ANKRD31: variants seen among roughly 807,000 people sequenced by gnomAD.
ANKRD31 encodes the protein ankyrin repeat domain 31, also known as ankyrin repeat domain-containing protein 31.
ANKRD31 carries 147 observed loss-of-function variants against 186.0 expected under a neutral mutation model. The observed-to-expected ratio is 0.79, with a 90% confidence interval of 0.69 to 0.91. The LOEUF (loss-of-function observed/expected upper bound fraction) is 0.91. Ranked by LOEUF, ANKRD31 falls within the 40% of genes least tolerant of loss-of-function variation. The pLI is 0.00. For missense variants in ANKRD31, 1,986 were observed against 2,148.8 expected, an observed-to-expected ratio of 0.92 and a Z score of 1.50; for synonymous variants, 673 against 736.4, an observed-to-expected ratio of 0.91 and a Z score of 1.39.
intron 2 of ANKRD31, among the ~76,000 whole-genome samples, chr5:75,229,995 A>G (rs759752597): frequency 9.2e-5 from 14 of 151,854 alleles, no homozygotes; most frequent in Non-Finnish European, 1.9e-4. Context: ...CCCACATCCC[A>G]AAGATGTGCC....
At chr5:75,159,381 A>T (rs1382262301) in intron 11 of ANKRD31, among the ~76,000 whole-genome samples, 2 of 152,152 alleles carry the variant, frequency 1.3e-5, no homozygotes, top group African/African-American at 2.4e-5. Flanking sequence ...CACACATCTA[A>T]GAAGCACAAC....
In ANKRD31 at chr5:75,116,629, A is replaced by G. The variant is rs1364550546; in HGVS notation, c.4092T>C (p.Asp1364=). The change falls in exon 19 of 26, where the codon GAT becomes GAC. Residue 1364 remains aspartate, a synonymous_variant. Transcript: ENST00000506364. ...GGGAAGATGAGTCAATAGTTTTGCC[A>G]TCATCACAAAAACACTGTTTATGTC... ...SKRHKQCFCD[D]GKTIDSSSLS... 2 of 1,465,188 alleles carry G rather than the reference A, an allele frequency of 1.4e-6. No homozygotes were observed. The highest frequency in any genetic ancestry group is 1.4e-5 in the African/African-American group (1 of 72,094). The allele number at this position is 1,465,188 out of a possible 1,614,324, so 90.8% of individuals were successfully genotyped here.
chr5:75,107,630 C>A lies in ANKRD31; in HGVS notation c.4244-13G>T. On this transcript the variant is annotated splice_polypyrimidine_tract_variant and intron_variant, in intron 20 of 25. Coordinates refer to ENST00000506364, the MANE Select transcript of ANKRD31 (RefSeq NM_001372053.1). ...TCAATGTATTGTTCTAGAAACATGACAATAAAAAGTTAGCTAACTGAGGGA... is the reference window on the plus strand; with the variant it reads ...TCAATGTATTGTTCTAGAAACATGAAAATAAAAAGTTAGCTAACTGAGGGA... The A allele has an allele frequency of 6.8e-7, 1 of 1,465,304 alleles. No individual in the cohort carries two copies. 90.8% of individuals were successfully genotyped at this position (1,465,304 alleles called of 1,614,324 possible).
At chr5:75,079,722 C>T (rs1164180036) in intron 25 of ANKRD31, among the ~76,000 whole-genome samples, 1 of 152,202 alleles carries the variant, frequency 6.6e-6, no homozygotes, top group Admixed American at 6.5e-5. Context: ...GTGATCCACC[C>T]ACCTTGGCCT....
chr5:75,171,065 G>A (rs979905214), intron 10 of ANKRD31, among the ~76,000 whole-genome samples: 1 of 151,836 alleles, frequency 6.6e-6, no homozygotes, highest in African/African-American at 2.4e-5. Flanking sequence ...AAAAAAAATG[G>A]ATCAATGAGA....
intron 4 of ANKRD31, among the ~76,000 whole-genome samples, chr5:75,206,876 G>A (rs1264383499): frequency 6.6e-6 from 1 of 152,138 alleles, no homozygotes; most frequent in East Asian, 1.9e-4. Flanking sequence ...AGTTTTAGAT[G>A]TAAGTGAGAG....
chr5:75,149,121 A>G (rs1042126761), intron 12 of ANKRD31, among the ~76,000 whole-genome samples: 2 of 151,926 alleles, frequency 1.3e-5, no homozygotes, highest in African/African-American at 4.8e-5. Context: ...CACAGGGGGA[A>G]AAAGATTATT....
chr5:75,136,695 C>G (rs147098080), intron 17 of ANKRD31, among the ~76,000 whole-genome samples: 1,793 of 152,316 alleles, frequency 0.012, 9 homozygotes, highest in Non-Finnish European at 0.019. Context: ...AATCATGCTG[C>G]TATAAAGACA....
intron 7 of ANKRD31, 93 bp from the exon 8 acceptor site, chr5:75,193,684 A>G (rs1755273396): frequency 8.5e-7 from 1 of 1,170,606 alleles, no homozygotes; most frequent in South Asian, 1.6e-5. Context: ...CTTTGCTTAA[A>G]TTAAAATGCC....
chr5:75,140,274 A>G (rs1750930809), intron 15 of ANKRD31, among the ~76,000 whole-genome samples: 1 of 133,078 alleles, frequency 7.5e-6, no homozygotes. Flanking sequence ...AAGGAAAGAG[A>G]GAGAGAGAAA....
At chr5:75,229,141 T>C (rs980716476) in intron 2 of ANKRD31, among the ~76,000 whole-genome samples, 3 of 152,210 alleles carry the variant, frequency 2.0e-5, no homozygotes, top group East Asian at 3.8e-4. Flanking sequence ...GAATTGGTTC[T>C]TTCTGAACAG....
At position 75,147,213 on chromosome 5, in the gene ANKRD31, GT is replaced by G. The variant is rs1001831112; in HGVS notation, c.2197del (p.Thr733HisfsTer8). 6.5e-7 allele frequency: 1 copy of G among 1,536,038 alleles called. No individual in the cohort carries two copies. The highest frequency in any genetic ancestry group is 8.7e-7 in the Non-Finnish European group (1 of 1,146,250). On this transcript the variant is annotated frameshift_variant, in exon 14 of 26. Coordinates refer to ENST00000506364, the MANE Select transcript of ANKRD31 (RefSeq NM_001372053.1). LOFTEE classifies it high-confidence loss of function. ...ATCTACTTGGGTCCTTTTATGTTGT[GT>G]TTTTCTTCTTCCTATACCTTTTGGT... ...NVPKGIGRRK[T>X]QHKRTQVDDV...
At chr5:75,190,758 A>T (rs1755058952) in intron 9 of ANKRD31, among the ~76,000 whole-genome samples, 1 of 151,956 alleles carries the variant, frequency 6.6e-6, no homozygotes, top group African/African-American at 2.4e-5. Context: ...AGGGATACTT[A>T]TTTAATGTAT....
chr5:75,214,405 C>CAGT (rs1264127016), intron 3 of ANKRD31, among the ~76,000 whole-genome samples: 1 of 152,158 alleles, frequency 6.6e-6, no homozygotes, highest in Non-Finnish European at 1.5e-5. Context: ...ATACCATTGG[C>CAGT]AGTAGTGATC....
At chr5:75,144,604 T>C (rs1015968337) in intron 14 of ANKRD31, among the ~76,000 whole-genome samples, 17 of 152,042 alleles carry the variant, frequency 1.1e-4, no homozygotes, top group South Asian at 8.3e-4. Flanking sequence ...TCAAGATGGA[T>C]TAAAGACTTA....
intron 25 of ANKRD31, among the ~76,000 whole-genome samples, chr5:75,071,389 T>G (rs991753080): frequency 2.6e-5 from 4 of 151,042 alleles, no homozygotes; most frequent in Admixed American, 6.6e-5. Flanking sequence ...GCTGCAATAC[T>G]TCTTATTACC....
At chr5:75,122,976 GA>G (rs1748922136) in intron 17 of ANKRD31, among the ~76,000 whole-genome samples, 1 of 152,096 alleles carries the variant, frequency 6.6e-6, no homozygotes, top group Non-Finnish European at 1.5e-5. Context: ...ATCCAAGTTG[GA>G]AAAGAGGAAG....
At chr5:75,102,645 C>T (rs1437714996) in intron 22 of ANKRD31, among the ~76,000 whole-genome samples, 1 of 152,234 alleles carries the variant, frequency 6.6e-6, no homozygotes, top group Non-Finnish European at 1.5e-5. Flanking sequence ...ACGCCACTCC[C>T]TCAGCCTTAC....
chr5:75,175,666 C>T (rs944836219), intron 10 of ANKRD31, among the ~76,000 whole-genome samples: 2 of 151,880 alleles, frequency 1.3e-5, no homozygotes, highest in African/African-American at 4.8e-5. Flanking sequence ...CACACACACA[C>T]ACACACACAC....
Sources: gnomAD v4.1 joint callset for allele counts (sites outside exome capture counted in the v4.1 genomes callset) on GRCh38, gnomAD v4.1.1 for gene constraint, MANE v1.5 for transcripts, NCBI Gene and HGNC (gene_info 2026-07-23, HGNC 2026-07-21) for gene names.